RGS7: variants seen among roughly 807,000 people sequenced by gnomAD.
RGS7 encodes regulator of G-protein signaling 7.
Under a neutral mutation model 81.1 loss-of-function variants are expected in RGS7, and 27 were observed. That is an observed-to-expected ratio of 0.33 (90% CI 0.25 to 0.46). The LOEUF (loss-of-function observed/expected upper bound fraction) is 0.46, where lower values mean the gene tolerates loss of function less well. Among genes scored for constraint, RGS7 ranks in the 20% least tolerant of loss-of-function variants. RGS7 has a pLI of 1.00. For synonymous variants in RGS7, 208 were observed against 207.7 expected, an observed-to-expected ratio of 1.00 and a Z score of -0.01; for missense variants, 396 against 607.4, an observed-to-expected ratio of 0.65 and a Z score of 3.66.
intron 3 of RGS7, among the ~76,000 whole-genome samples, chr1:241,034,339 G>T (rs767293249): frequency 1.3e-5 from 2 of 152,150 alleles, no homozygotes; most frequent in Non-Finnish European, 2.9e-5. Context: ...AATTTGAAAC[G>T]GCATCTTTAG....
At chr1:241,097,383 T>G (rs1010609438) in intron 3 of RGS7, among the ~76,000 whole-genome samples, 2 of 152,106 alleles carry the variant, frequency 1.3e-5, no homozygotes, top group Non-Finnish European at 2.9e-5. Flanking sequence ...CATTCCACAG[T>G]AGCTCTCCTC....
intron 6 of RGS7, among the ~76,000 whole-genome samples, chr1:240,926,626 T>A (rs1263549844): frequency 6.6e-6 from 1 of 152,188 alleles, no homozygotes; most frequent in Non-Finnish European, 1.5e-5. Context: ...TGACACTGTC[T>A]CTACTTCTTA....
intron 2 of RGS7, among the ~76,000 whole-genome samples, chr1:241,188,569 T>C (rs1403130510): frequency 6.6e-6 from 1 of 152,190 alleles, no homozygotes; most frequent in African/African-American, 2.4e-5. Context: ...CAAAATCTTA[T>C]GATCATAGGT....
At chr1:241,116,908 A>G (rs2065918904) in intron 2 of RGS7, among the ~76,000 whole-genome samples, 2 of 152,092 alleles carry the variant, frequency 1.3e-5, no homozygotes, top group Admixed American at 1.3e-4. Flanking sequence ...ACATTATTTA[A>G]TTTACTCCTA....
intron 3 of RGS7, among the ~76,000 whole-genome samples, chr1:241,037,475 C>T (rs1572389678): frequency 6.6e-6 from 1 of 152,152 alleles, no homozygotes; most frequent in Non-Finnish European, 1.5e-5. Flanking sequence ...AATCCCAGCA[C>T]TTTGGGAGGC....
chr1:241,259,305 G>A (rs1470803736), intron 2 of RGS7, among the ~76,000 whole-genome samples: 1 of 151,900 alleles, frequency 6.6e-6, no homozygotes, highest in East Asian at 1.9e-4. Context: ...GGCATATAAA[G>A]GTATGATAAG....
intron 2 of RGS7, among the ~76,000 whole-genome samples, chr1:241,333,003 A>C (rs1354226408): frequency 2.6e-5 from 4 of 152,146 alleles, no homozygotes; most frequent in Non-Finnish European, 4.4e-5. Flanking sequence ...TGAGCCCTCC[A>C]CTCTGTCTCA....
intron 3 of RGS7, among the ~76,000 whole-genome samples, chr1:240,995,708 CTTTTT>C (rs71172669): frequency 1.4e-5 from 2 of 139,804 alleles, no homozygotes; most frequent in Non-Finnish European, 3.1e-5. Context: ...TGTGTCTTTT[CTTTTT>C]TTTTTTTTGT....
intron 9 of RGS7, among the ~76,000 whole-genome samples, chr1:240,857,706 T>A (rs1021164783): frequency 6.6e-6 from 1 of 152,190 alleles, no homozygotes; most frequent in Non-Finnish European, 1.5e-5. Flanking sequence ...TGTGGCTTGA[T>A]AGCTCATCCC....
At chr1:240,880,997 C>T (rs1374063816) in intron 6 of RGS7, among the ~76,000 whole-genome samples, 1 of 151,976 alleles carries the variant, frequency 6.6e-6, no homozygotes, top group Non-Finnish European at 1.5e-5. Context: ...ACATCAACCC[C>T]AAGACTCAAA....
intron 3 of RGS7, among the ~76,000 whole-genome samples, chr1:241,016,282 G>A (rs1212539777): frequency 6.6e-6 from 1 of 152,122 alleles, no homozygotes; most frequent in Admixed American, 6.5e-5. Flanking sequence ...CACTTTGGGA[G>A]GCCAAGGTGG....
intron 3 of RGS7, among the ~76,000 whole-genome samples, 168 bp from the exon 4 acceptor site, chr1:240,983,297 G>A (rs891320782): frequency 6.6e-6 from 1 of 152,016 alleles, no homozygotes; most frequent in African/African-American, 2.4e-5. Context: ...CACAAAGTAT[G>A]GATACTTAGC....
intron 6 of RGS7, among the ~76,000 whole-genome samples, chr1:240,921,170 C>T (rs1362423531): frequency 6.6e-6 from 1 of 151,908 alleles, no homozygotes; most frequent in Non-Finnish European, 1.5e-5. Flanking sequence ...AGGAAATAGC[C>T]AAGCAAAATC....
intron 3 of RGS7, among the ~76,000 whole-genome samples, chr1:241,066,833 G>A (rs75560612): frequency 1.8e-4 from 27 of 152,274 alleles, no homozygotes; most frequent in Admixed American, 7.8e-4. Context: ...CCTTTAGCTC[G>A]CTATGTGAGG....
chr1:241,202,922 A>T (rs1206568522), intron 2 of RGS7, among the ~76,000 whole-genome samples: 1 of 152,176 alleles, frequency 6.6e-6, no homozygotes, highest in Non-Finnish European at 1.5e-5. Context: ...GAACGAGGTC[A>T]GAGAAACATG....
In RGS7 at chr1:241,204,781, T is replaced by C. The variant is rs571703622; in HGVS notation, c.79-106019A>G. On this transcript the variant is annotated intron_variant, in intron 2 of 18. Coordinates refer to ENST00000440928, the MANE Select transcript of RGS7 (RefSeq NM_001364886.1). Reference sequence around the variant, plus strand: ...CTGGGGTTTTCACTAATGTTTTAAATAGGCTTTACATAGAGCAGCAATTAT... The same window carrying C: ...CTGGGGTTTTCACTAATGTTTTAAACAGGCTTTACATAGAGCAGCAATTAT... Among the ~76,000 whole-genome samples the C allele has an allele frequency of 5.9e-5, 9 of 152,030 alleles. No homozygotes were observed. The South Asian group carries it at 1.7e-3, about 28-fold the overall frequency.
Position 241,357,039 on chromosome 1 carries a change from C to G in RGS7, c.-191G>C, listed in dbSNP as rs992578967. 1 of 152,094 alleles carries G rather than the reference C, an allele frequency of 6.6e-6. No individual in the cohort carries two copies. The highest frequency in any genetic ancestry group is 6.5e-5 in the Admixed American group (1 of 15,276). The allele number at this position is 152,094 out of a possible 1,614,324, so 9.4% of individuals were successfully genotyped here. ...GGCGGATGCGGATTCCGCGCCGCCC[C>G]GGCTCTAGCTGCTCAGGCGACCGCC... On this transcript the variant is annotated 5_prime_UTR_variant, in exon 1 of 19. Coordinates refer to ENST00000440928, the MANE Select transcript of RGS7 (RefSeq NM_001364886.1).
chr1:241,086,608 C>T (rs550026186), intron 3 of RGS7, among the ~76,000 whole-genome samples: 8 of 151,934 alleles, frequency 5.3e-5, no homozygotes, highest in African/African-American at 1.7e-4. Flanking sequence ...TTATTCTCTA[C>T]ATTTCCCCCC....
At chr1:240,847,144 C>T (rs900936351) in intron 9 of RGS7, among the ~76,000 whole-genome samples, 2 of 152,188 alleles carry the variant, frequency 1.3e-5, no homozygotes, top group African/African-American at 4.8e-5. Flanking sequence ...AGTATTTTTC[C>T]TGATTATACC....
Sources: gnomAD v4.1 joint callset for allele counts (sites outside exome capture counted in the v4.1 genomes callset) on GRCh38, gnomAD v4.1.1 for gene constraint, MANE v1.5 for transcripts, NCBI Gene and HGNC (gene_info 2026-07-23, HGNC 2026-07-21) for gene names.